The following TCF4 variants were observed in gnomAD, a reference collection of about 807,000 sequenced individuals.
TCF4 encodes transcription factor 4, also known as SL3-3 enhancer factor 2.
TCF4 carries 3 observed loss-of-function variants against 82.1 expected under a neutral mutation model. That is an observed-to-expected ratio of 0.04 (90% CI 0.02 to 0.09). The LOEUF (loss-of-function observed/expected upper bound fraction) is 0.09. TCF4 is among the 10% of genes least tolerant of loss of function. The pLI, the probability that TCF4 is intolerant of heterozygous loss-of-function variation, is 1.00. For synonymous variants in TCF4, 276 were observed against 309.6 expected (o/e 0.89, Z 1.14); for missense variants, 518 against 852.7 (o/e 0.61, Z 4.89).
At chr18:55,621,540 T>TAA (rs1568500515) in intron 2 of TCF4, among the ~76,000 whole-genome samples, 1 of 230 alleles carries the variant, frequency 4.3e-3, no homozygotes, top group African/African-American at 0.01. Flanking sequence ...AATATATATA[T>TAA]TATATTATAT....
At position 55,423,808 on chromosome 18, in the gene TCF4, G is replaced by A. The variant is rs577732976; in HGVS notation, c.305-20290C>T. On this transcript the variant is annotated intron_variant, in intron 5 of 19. Transcript: ENST00000354452. Reference sequence around the variant, plus strand: ...TCATCTGGGGCGCTGCGCCCCTCTCGCCTGCCTACACTCCAACTGACGTCT... The same window carrying A: ...TCATCTGGGGCGCTGCGCCCCTCTCACCTGCCTACACTCCAACTGACGTCT... Among the ~76,000 whole-genome samples, 5 of 152,038 alleles carry A rather than the reference G, an allele frequency of 3.3e-5. No individual in the cohort carries two copies. In the South Asian group the frequency reaches 8.3e-4, roughly 25 times the overall value.
At chr18:55,596,354 G>C (rs1237289183) in intron 2 of TCF4, 1 of 240,116 alleles carries the variant, frequency 4.2e-6, no homozygotes, top group Non-Finnish European at 8.5e-6. Context: ...GCCATATGCA[G>C]CTGTGTAACC....
chr18:55,258,196 T>C (rs2057300233), intron 13 of TCF4, among the ~76,000 whole-genome samples: 1 of 152,204 alleles, frequency 6.6e-6, no homozygotes. Context: ...TGTATATTTT[T>C]ATGCTAAATA....
At chr18:55,350,742 T>C in intron 7 of TCF4, 132 bp downstream of exon 7, 5 of 1,305,204 alleles carry the variant, frequency 3.8e-6, no homozygotes, top group Non-Finnish European at 5.4e-6. Flanking sequence ...GTCTCCAGGC[T>C]GACAACTGAG....
At chr18:55,582,332 T>C (rs542316055) in intron 3 of TCF4, among the ~76,000 whole-genome samples, 1 of 152,286 alleles carries the variant, frequency 6.6e-6, no homozygotes, top group Non-Finnish European at 1.5e-5. Flanking sequence ...AGTTACCATA[T>C]AGGTTATAAC....
intron 8 of TCF4, among the ~76,000 whole-genome samples, chr18:55,320,553 T>G (rs1192247464): frequency 6.6e-6 from 1 of 152,212 alleles, no homozygotes; most frequent in Non-Finnish European, 1.5e-5. Context: ...TGCATCTGTA[T>G]GTATATACAC....
intron 3 of TCF4, among the ~76,000 whole-genome samples, chr18:55,480,826 G>A (rs542650460): frequency 3.9e-5 from 6 of 152,136 alleles, no homozygotes; most frequent in Non-Finnish European, 7.4e-5. Context: ...CTTATGGGCC[G>A]GGTGCAGTGG....
At chr18:55,409,832 A>C (rs2094269778) in intron 5 of TCF4, among the ~76,000 whole-genome samples, 2 of 152,174 alleles carry the variant, frequency 1.3e-5, no homozygotes, top group South Asian at 4.1e-4. Flanking sequence ...TAGCTAGTCA[A>C]CTTTACTCCT....
chr18:55,414,436 T>C (rs2094458867), intron 5 of TCF4, among the ~76,000 whole-genome samples: 1 of 151,892 alleles, frequency 6.6e-6, no homozygotes, highest in Non-Finnish European at 1.5e-5. Flanking sequence ...ATTAGAAAAA[T>C]TTGCAATGTA....
At chr18:55,293,526 A>G (rs1207429293) in intron 8 of TCF4, among the ~76,000 whole-genome samples, 1 of 152,160 alleles carries the variant, frequency 6.6e-6, no homozygotes, top group East Asian at 1.9e-4. Flanking sequence ...TGCTCTACAG[A>G]GCAGGAGACA....
chr18:55,393,629 ATT>A (rs2093315162), intron 6 of TCF4, among the ~76,000 whole-genome samples: 1 of 152,120 alleles, frequency 6.6e-6, no homozygotes, highest in Non-Finnish European at 1.5e-5. Flanking sequence ...TTTCCCTTTG[ATT>A]TTATTCTGTT....
intron 8 of TCF4, among the ~76,000 whole-genome samples, chr18:55,301,920 C>CT (rs2068447684): frequency 6.7e-6 from 1 of 149,646 alleles, no homozygotes; most frequent in African/African-American, 2.5e-5. Flanking sequence ...CTATTTATAT[C>CT]TTTTCTAAGT....
Position 55,464,056 on chromosome 18 carries a change from A to G in TCF4, c.207+20T>C. 1 of 1,612,704 alleles carries G rather than the reference A, an allele frequency of 6.2e-7. No individual in the cohort carries two copies. Among genetic ancestry groups the G allele is most frequent in the Non-Finnish European group, 8.5e-7 (1 of 1,178,934 alleles). ...TATGTGGGATGTCTGGTTGTGGGAG[A>G]AAAGATTAGATATACTTACCCTGGA... On this transcript the variant is annotated intron_variant, in intron 4 of 19. Transcript: ENST00000354452.
At chr18:55,520,488 A>C (rs2096924079) in intron 3 of TCF4, among the ~76,000 whole-genome samples, 1 of 152,202 alleles carries the variant, frequency 6.6e-6, no homozygotes, top group Non-Finnish European at 1.5e-5. Context: ...CTCCCAAGCA[A>C]AATGTTCGTT....
intron 8 of TCF4, among the ~76,000 whole-genome samples, chr18:55,343,845 C>T (rs914399976): frequency 3.9e-5 from 6 of 152,134 alleles, no homozygotes; most frequent in Admixed American, 6.6e-5. Flanking sequence ...CACTCATACA[C>T]ATGGGTGCAC....
intron 2 of TCF4, among the ~76,000 whole-genome samples, chr18:55,605,440 A>G (rs976525533): frequency 2.6e-5 from 4 of 152,320 alleles, no homozygotes; most frequent in Non-Finnish European, 5.9e-5. Context: ...AATAAAGGTC[A>G]GTGGGCTGAT....
At chr18:55,421,296 C>A (rs904193621) in intron 5 of TCF4, among the ~76,000 whole-genome samples, 1 of 152,044 alleles carries the variant, frequency 6.6e-6, no homozygotes, top group East Asian at 1.9e-4. Flanking sequence ...TTCTTGGAAC[C>A]CCAAGAGTTT....
intron 8 of TCF4, among the ~76,000 whole-genome samples, chr18:55,294,060 GA>G (rs1403425421): frequency 7.0e-6 from 1 of 142,908 alleles, no homozygotes; most frequent in Non-Finnish European, 1.5e-5. Context: ...AGGAATTCAA[GA>G]CCAGCCTGGC....
At chr18:55,538,219 T>C (rs1051369072) in intron 3 of TCF4, among the ~76,000 whole-genome samples, 3 of 152,176 alleles carry the variant, frequency 2.0e-5, no homozygotes, top group Non-Finnish European at 4.4e-5. Flanking sequence ...CAATGTGAAA[T>C]GTATTCTTGA....
Sources: allele counts gnomAD v4.1 joint callset (sites outside exome capture counted in the v4.1 genomes callset), GRCh38; gene constraint gnomAD v4.1.1; transcripts MANE v1.5; gene names NCBI Gene and HGNC (gene_info 2026-07-23, HGNC 2026-07-21).